The following SLC25A6 variants were observed in gnomAD, a reference collection of about 807,000 sequenced individuals.
The protein encoded by SLC25A6 is ADP/ATP translocase 3.
SLC25A6 carries 9 observed loss-of-function variants against 25.7 expected under a neutral mutation model. The observed-to-expected ratio is 0.35, with a 90% CI of 0.21 to 0.61. The LOEUF (loss-of-function observed/expected upper bound fraction) is 0.61. Ranked by LOEUF, SLC25A6 falls within the 20% of genes least tolerant of loss-of-function variation. The pLI is 0.76. For missense variants in SLC25A6, 404 were observed against 440.5 expected, an observed-to-expected ratio of 0.92 and a Z score of 0.74; for synonymous variants, 223 against 197.0, an observed-to-expected ratio of 1.13 and a Z score of -1.11.
chrX:1,389,340 A>C lies in SLC25A6; in HGVS notation c.499T>G (p.Ser167Ala), dbSNP rs2089371260. ...LGDCLVKITK[S>A]DGIRGLYQGF... ...TGGTACAGGCCCCGGATGCCGTCGG[A>C]CTTGGTGATCTTCACCAGGCAGTCT... The change falls in exon 2 of 4, where the codon TCC (serine) becomes GCC (alanine). Residue 167 changes from serine to alanine, a missense_variant. Transcript: ENST00000381401. 2.5e-6 allele frequency: 4 copies of C among 1,613,800 alleles called. No individual in the cohort carries two copies. Among genetic ancestry groups the C allele is most frequent in the Non-Finnish European group, 3.4e-6 (4 of 1,179,864 alleles).
intron 3 of SLC25A6, among the ~76,000 whole-genome samples, 166 bp downstream of exon 3, chrX:1,387,113 T>C (rs2089335303): frequency 6.6e-6 from 1 of 152,120 alleles, no homozygotes; most frequent in Admixed American, 6.5e-5. Flanking sequence ...CAGAAGCCCA[T>C]CGTTCAGGAA....
intron 2 of SLC25A6, 102 bp from the exon 3 acceptor site, chrX:1,387,521 GCTCTTCCGAGACCACCAGTGCC>G: frequency 2.0e-6 from 3 of 1,505,444 alleles, no homozygotes; most frequent in Non-Finnish European, 2.7e-6. Context: ...GTGGTGCCGA[GCTCTTCCGAGACCACCAGTGCC>G]CCCTCCACGT....
In SLC25A6 at chrX:1,389,590, G is replaced by T. The variant is rs749156930; in HGVS notation, c.249C>A (p.Pro83=). 6.2e-7 allele frequency: 1 copy of T among 1,614,204 alleles called. No homozygotes were observed. Among genetic ancestry groups the T allele is most frequent in the Admixed American group, 1.7e-5 (1 of 60,020 alleles). Reference sequence around the variant, plus strand: ...TGAAGGCGAAGTTGAGGGCTTGAGTGGGGAAGTAGCGAATGACGTTGGCAA... The same window carrying T: ...TGAAGGCGAAGTTGAGGGCTTGAGTTGGGAAGTAGCGAATGACGTTGGCAA... The part of the protein sequence containing the change: ...GNLANVIRYF[P]TQALNFAFKD... Residue 83 remains proline, a synonymous_variant, in exon 2 of 4, where the codon CCC becomes CCA. Transcript: ENST00000381401.
At chrX:1,389,104 T>C in intron 2 of SLC25A6, 137 bp downstream of exon 2, 1 of 896,930 alleles carries the variant, frequency 1.1e-6, no homozygotes, top group Non-Finnish European at 1.7e-6. Context: ...AGACGGCGTC[T>C]CCAAGTCCAG....
At chrX:1,391,746 C>A (rs1350738610) in intron 1 of SLC25A6, among the ~76,000 whole-genome samples, 153 bp downstream of exon 1, 1 of 152,222 alleles carries the variant, frequency 6.6e-6, no homozygotes, top group African/African-American at 2.4e-5. Flanking sequence ...TCACGTGACG[C>A]GGCCCCCGGA....
rs1341006771 is a variant in SLC25A6, at chrX:1,389,545, G to A, written c.294C>T (p.Ile98=). The change falls in exon 2 of 4, where the codon ATC becomes ATT. Residue 98 remains isoleucine (I), a synonymous_variant. Transcript: ENST00000381401. ...TGTGCTTGTCCACGCCCCCCAGGAAGATCTGCTTGTACTTATCCTTGAAGG... is the reference window on the plus strand; with the variant it reads ...TGTGCTTGTCCACGCCCCCCAGGAAAATCTGCTTGTACTTATCCTTGAAGG... ...NFAFKDKYKQ[I]FLGGVDKHTQ... 1 of 1,614,112 alleles carries A rather than the reference G, an allele frequency of 6.2e-7. No individual in the cohort carries two copies. The highest frequency in any genetic ancestry group is 1.3e-5 in the African/African-American group (1 of 74,950).
At position 1,387,438 on chromosome X, in the gene SLC25A6, T is replaced by A; in HGVS notation, c.599-19A>T. The A allele has an allele frequency of 3.1e-6, 5 of 1,610,222 alleles. No homozygotes were observed. The highest frequency in any genetic ancestry group is 1.8e-4 in the Middle Eastern group (1 of 5,470). On this transcript the variant is annotated intron_variant, in intron 2 of 3. Coordinates refer to ENST00000381401, the MANE Select transcript of SLC25A6 (RefSeq NM_001636.4). Reference sequence around the variant, plus strand: ...AGCATGCCTGCGCGGGAACGGCACGTCACCGTCTCCAGCGCCTGCACGGCC... The same window carrying A: ...AGCATGCCTGCGCGGGAACGGCACGACACCGTCTCCAGCGCCTGCACGGCC...
intron 1 of SLC25A6, among the ~76,000 whole-genome samples, chrX:1,391,260 C>T (rs1304116887): frequency 2.6e-5 from 4 of 152,178 alleles, no homozygotes; most frequent in Non-Finnish European, 5.9e-5. Context: ...GTCCTTGCAG[C>T]CAAGCCTATT....
intron 2 of SLC25A6, among the ~76,000 whole-genome samples, chrX:1,388,168 G>A (rs1422464221): frequency 2.0e-4 from 29 of 148,452 alleles, no homozygotes; most frequent in African/African-American, 7.3e-4. Context: ...AGGACACAGG[G>A]AGAAGACGGC....
intron 2 of SLC25A6, among the ~76,000 whole-genome samples, chrX:1,388,413 G>C (rs1186848550): frequency 6.6e-6 from 1 of 150,634 alleles, no homozygotes; most frequent in African/African-American, 2.4e-5. Context: ...GGAAGACGGA[G>C]TCTCCAAGCC....
chrX:1,387,161 T>C, intron 3 of SLC25A6, 118 bp downstream of exon 3: 1 of 1,284,730 alleles, frequency 7.8e-7, no homozygotes, highest in African/African-American at 1.5e-5. Flanking sequence ...CGGACACACT[T>C]GCTTGTCTCA....
Position 1,386,674 on chromosome X carries a change from C to G in SLC25A6, c.825G>C (p.Trp275Cys), listed in dbSNP as rs747209679. The change falls in exon 4 of 4, where the codon TGG (tryptophan) becomes TGC (cysteine). Residue 275 changes from tryptophan (W) to cysteine (C), a missense_variant. Coordinates refer to ENST00000381401, the MANE Select transcript of SLC25A6 (RefSeq NM_001636.4). Reference protein sequence around the residue: ...EGGKAFFKGAWSNVLRGMGGA... With the variant: ...EGGKAFFKGACSNVLRGMGGA... ...CCCCCATGCCCCGCAGGACGTTGGA[C>G]CACGCACCCTTGAAGAAGGCCTTGC... The G allele has an allele frequency of 6.2e-7, 1 of 1,613,190 alleles. No homozygotes were observed. Among genetic ancestry groups the G allele is most frequent in the Non-Finnish European group, 8.5e-7 (1 of 1,179,584 alleles).
Position 1,391,885 on chromosome X carries a change from G to A in SLC25A6, c.111+14C>T, listed in dbSNP as rs766385200. 20 of 1,576,780 alleles carry A rather than the reference G, an allele frequency of 1.3e-5. No individual in the cohort carries two copies. Among genetic ancestry groups the A allele is most frequent in the Non-Finnish European group, 1.7e-5 (20 of 1,162,490 alleles). ...GTCCCCTAGTCCCCGGAGCGGCCGC[G>A]CCCGCGTCCCCACCTGCAGCAGCAG... On this transcript the variant is annotated intron_variant, in intron 1 of 3. Transcript: ENST00000381401.
chrX:1,386,457 C>A lies in SLC25A6; in HGVS notation c.*145G>T. 3 of 1,125,272 alleles carry A rather than the reference C, an allele frequency of 2.7e-6. No individual in the cohort carries two copies. Among genetic ancestry groups the A allele is most frequent in the Non-Finnish European group, 2.4e-6 (2 of 827,126 alleles). 69.7% of individuals were successfully genotyped at this position (1,125,272 alleles called of 1,614,324 possible). ...TCGCAATGCGCCCCTTTTCTAGAGC[C>A]TTCCCCGGCCATCTACAGGCAGGAT... On this transcript the variant is annotated 3_prime_UTR_variant, in exon 4 of 4. Transcript: ENST00000381401.
In SLC25A6 at chrX:1,391,994, T is replaced by TGGCCTGTTCCGTCATA; in HGVS notation, c.15_16insTATGACGGAACAGGCC (p.Ile6TyrfsTer94). On this transcript the variant is annotated frameshift_variant, in exon 1 of 4. Transcript: ENST00000381401. LOFTEE classifies it high-confidence loss of function. ...GCCAAGAAGTCTTTGGCGAAGGAGATGGCCTGTTCCGTCATGGTGGCAGGG... is the reference window on the plus strand; with the variant it reads ...GCCAAGAAGTCTTTGGCGAAGGAGATGGCCTGTTCCGTCATAGGCCTGTTCCGTCATGGTGGCAGGG... The TGGCCTGTTCCGTCATA allele has an allele frequency of 1.9e-6, 3 of 1,608,226 alleles. No homozygotes were observed. Among genetic ancestry groups the TGGCCTGTTCCGTCATA allele is most frequent in the Non-Finnish European group, 2.5e-6 (3 of 1,178,460 alleles).
intron 2 of SLC25A6, 141 bp downstream of exon 2, chrX:1,389,100 C>G (rs190974515): frequency 1.2e-6 from 1 of 806,110 alleles, no homozygotes; most frequent in Non-Finnish European, 1.9e-6. Flanking sequence ...GAGAAGACGG[C>G]GTCTCCAAGT....
At chrX:1,388,648 G>A (rs1288478731) in intron 2 of SLC25A6, among the ~76,000 whole-genome samples, 1 of 151,950 alleles carries the variant, frequency 6.6e-6, no homozygotes, top group Non-Finnish European at 1.5e-5. Context: ...AAGCCCAGGA[G>A]AGAGGCCTCA....
chrX:1,387,398 T>C lies in SLC25A6; in HGVS notation c.620A>G (p.Asn207Ser). Residue 207 changes from asparagine to serine, a missense_variant, in exon 3 of 4, where the codon AAC becomes AGC. Asn to Ser is a conservative substitution (Grantham distance 46). Transcript: ENST00000381401. ...TAKGMLPDPK[N>S]THIVVSWMIA... ...CATCCAGCTCACCACGATGTGCGTGTTCTTGGGGTCGGGGAGCATGCCTGC... is the reference window on the plus strand; with the variant it reads ...CATCCAGCTCACCACGATGTGCGTGCTCTTGGGGTCGGGGAGCATGCCTGC... The C allele has an allele frequency of 1.2e-6, 2 of 1,613,090 alleles. No individual in the cohort carries two copies.
intron 1 of SLC25A6, among the ~76,000 whole-genome samples, 187 bp downstream of exon 1, chrX:1,391,712 C>A (rs2089415032): frequency 1.3e-5 from 2 of 152,366 alleles, no homozygotes; most frequent in Non-Finnish European, 2.9e-5. Flanking sequence ...CACGCGTGGA[C>A]GTCGCCACGC....
Sources: gnomAD v4.1 joint callset for allele counts (sites outside exome capture counted in the v4.1 genomes callset) on GRCh38, gnomAD v4.1.1 for gene constraint, MANE v1.5 for transcripts, NCBI Gene and HGNC (gene_info 2026-07-23, HGNC 2026-07-21) for gene names.